Variants in ALG1L2 observed in about 807,000 individuals in gnomAD.
ALG1L2 encodes the protein putative glycosyltransferase ALG1L2.
Under a neutral mutation model 29.0 loss-of-function variants are expected in ALG1L2, and 32 were observed. The observed-to-expected ratio is 1.10, with a 90% CI of 0.83 to 1.48. The LOEUF (loss-of-function observed/expected upper bound fraction) is 1.48, where lower values mean the gene tolerates loss of function less well. Among genes scored for constraint, ALG1L2 ranks in the 40% most tolerant of loss-of-function variants. ALG1L2 has a pLI of 0.00. For missense variants in ALG1L2, 318 were observed against 274.1 expected, an observed-to-expected ratio of 1.16 and a Z score of -1.13; for synonymous variants, 110 against 109.5, an observed-to-expected ratio of 1.00 and a Z score of -0.03.
chr3:130,086,363 T>C (rs1267771947), intron 1 of ALG1L2, among the ~76,000 whole-genome samples: 2 of 146,930 alleles, frequency 1.4e-5, no homozygotes, highest in Admixed American at 6.9e-5. Context: ...GTGGAAGTCA[T>C]TAATCCCAAG....
chr3:130,096,610 G>T lies in ALG1L2; in HGVS notation c.539+447G>T, dbSNP rs371497865. ...TGGTGGGTTTGAATCAGTTAAATGA[G>T]TGTCATGCTGTGGCCTCACTCCACC... On this transcript the variant is annotated intron_variant, in intron 6 of 7. Transcript: ENST00000425059. Among the ~76,000 whole-genome samples, 168 of 152,230 alleles carry T rather than the reference G, an allele frequency of 1.1e-3. 1 individual carries two copies. Among genetic ancestry groups the T allele is most frequent in the East Asian group, 5.0e-3 (26 of 5,176 alleles).
intron 3 of ALG1L2, 58 bp downstream of exon 3, chr3:130,092,280 A>G (rs1935035202): frequency 1.9e-6 from 3 of 1,587,912 alleles, no homozygotes; most frequent in African/African-American, 2.7e-5. Flanking sequence ...GCCAACCTGT[A>G]TTCTCCTCAC....
intron 1 of ALG1L2, among the ~76,000 whole-genome samples, chr3:130,083,149 T>C (rs1270394162): frequency 2.1e-5 from 3 of 139,758 alleles, no homozygotes; most frequent in African/African-American, 7.5e-5. Flanking sequence ...AAAAGTGAAA[T>C]AAAAACAGCT....
chr3:130,097,580 C>G (rs1370787288), intron 7 of ALG1L2, among the ~76,000 whole-genome samples: 1 of 152,190 alleles, frequency 6.6e-6, no homozygotes, highest in Non-Finnish European at 1.5e-5. Context: ...CTTCTGGGAC[C>G]AGCCTTGAAA....
intron 1 of ALG1L2, chr3:130,089,550 T>A (rs1934964330): frequency 6.6e-6 from 1 of 152,306 alleles, no homozygotes; most frequent in Admixed American, 6.5e-5. Context: ...TTCATTAATG[T>A]TGAAATAATA....
At chr3:130,094,371 G>T (rs1392781671) in intron 4 of ALG1L2, 32 bp from the exon 5 acceptor site, 6 of 1,585,720 alleles carry the variant, frequency 3.8e-6, no homozygotes, top group Non-Finnish European at 5.1e-6. Context: ...ACAGAGACGG[G>T]TTCATGGCAG....
At chr3:130,089,794 A>AT (rs1295195231) in intron 1 of ALG1L2, among the ~76,000 whole-genome samples, 1 of 152,306 alleles carries the variant, frequency 6.6e-6, no homozygotes, top group Non-Finnish European at 1.5e-5. Flanking sequence ...TAATCTCAGC[A>AT]TTTTGGGAGG....
intron 1 of ALG1L2, among the ~76,000 whole-genome samples, chr3:130,087,815 A>G (rs181360325): frequency 1.4e-5 from 2 of 147,890 alleles, no homozygotes; most frequent in East Asian, 3.9e-4. Context: ...GACCTTGGCA[A>G]TGCAATAGGA....
At position 130,082,604 on chromosome 3, in the gene ALG1L2, C is replaced by T. The variant is rs543360407; in HGVS notation, c.20+568C>T. 7.4e-5 allele frequency among the ~76,000 whole-genome samples: 10 copies of T among 135,560 alleles called. 1 individual carries two copies. In the East Asian group the frequency reaches 1.8e-3, roughly 25 times the overall value. The allele number at this position is 135,560 out of a possible 152,430, so 88.9% of individuals were successfully genotyped here. A position where few individuals can be genotyped will look rare whatever the true frequency, so the allele number is the denominator to read the frequency against. ...CTGCCCACCTCAGCCTCCCAAAGTG[C>T]TGAGATTACAGGCATGAGCCCCTGC... On this transcript the variant is annotated intron_variant, in intron 1 of 7. Transcript: ENST00000425059.
chr3:130,093,182 G>T (rs759221078), intron 4 of ALG1L2, 22 bp downstream of exon 4: 1 of 1,609,378 alleles, frequency 6.2e-7, no homozygotes. Context: ...GACCCTGGGT[G>T]TCTGTTTGGT....
Position 130,084,645 on chromosome 3 carries a change from A to C in ALG1L2, c.20+2609A>C, listed in dbSNP as rs1440294723. Among the ~76,000 whole-genome samples, 4 of 131,362 alleles carry C rather than the reference A, an allele frequency of 3.0e-5. 1 individual carries two copies. The highest frequency in any genetic ancestry group is 1.0e-4 in the African/African-American group (4 of 39,062). The allele number at this position is 131,362 out of a possible 152,430, so 86.2% of individuals were successfully genotyped here. On this transcript the variant is annotated intron_variant, in intron 1 of 7. Transcript: ENST00000425059. ...TTAAATGCCTCAGTCTGCTATAAAA[A>C]GATACCACAAGCTGGATGGCTTAGA...
In ALG1L2 at chr3:130,088,568, C is replaced by G. The variant is rs1474376700; in HGVS notation, c.21-2693C>G. Among the ~76,000 whole-genome samples the G allele has an allele frequency of 5.2e-5, 8 of 152,394 alleles. No individual in the cohort carries two copies. In the East Asian group the frequency reaches 1.5e-3, roughly 29 times the overall value. ...AAGAATCTGGGACAACAGGCATGAG[C>G]CATTACGCCTGGCTAATTTTTGTAT... is the stretch of plus-strand genomic sequence containing the variant. On this transcript the variant is annotated intron_variant, in intron 1 of 7. Transcript: ENST00000425059.
chr3:130,091,185 C>G (rs1203420246), intron 1 of ALG1L2, 76 bp from the exon 2 acceptor site: 4 of 1,425,976 alleles, frequency 2.8e-6, no homozygotes, highest in Non-Finnish European at 3.9e-6. Flanking sequence ...GGGCATGGAA[C>G]CCAAATGAGT....
intron 5 of ALG1L2, 124 bp from the exon 6 acceptor site, chr3:130,095,925 T>G (rs925198825): frequency 1.0e-6 from 1 of 993,784 alleles, no homozygotes; most frequent in South Asian, 1.5e-5. Flanking sequence ...CACTTGTGGT[T>G]GGGGATGTCG....
intron 1 of ALG1L2, among the ~76,000 whole-genome samples, chr3:130,088,143 G>C (rs114385300): frequency 6.6e-6 from 1 of 151,438 alleles, no homozygotes; most frequent in Non-Finnish European, 1.5e-5. Context: ...GATGGGAGAC[G>C]TTGCGTCAGA....
intron 1 of ALG1L2, among the ~76,000 whole-genome samples, chr3:130,084,354 G>A (rs1252860815): frequency 1.3e-5 from 2 of 149,058 alleles, no homozygotes; most frequent in Non-Finnish European, 3.0e-5. Flanking sequence ...AGCAAAGAAG[G>A]CCTCATAAAG....
intron 1 of ALG1L2, among the ~76,000 whole-genome samples, chr3:130,083,656 A>ATT (rs1368222449): frequency 7.9e-6 from 1 of 126,316 alleles, no homozygotes; most frequent in East Asian, 2.1e-4. Flanking sequence ...TTAAAATGTT[A>ATT]ACTTTTTTTT....
chr3:130,092,756 C>G (rs1935044943), intron 3 of ALG1L2, among the ~76,000 whole-genome samples: 1 of 152,198 alleles, frequency 6.6e-6, no homozygotes, highest in Admixed American at 6.5e-5. Context: ...TCTGAATGGG[C>G]ATGGTGGCTC....
chr3:130,097,810 G>A (rs938436301), intron 7 of ALG1L2, among the ~76,000 whole-genome samples: 2 of 152,186 alleles, frequency 1.3e-5, no homozygotes, highest in African/African-American at 4.8e-5. Flanking sequence ...TTCCAATAAA[G>A]CTTTATTTAC....
Sources: gnomAD v4.1 joint callset for allele counts (sites outside exome capture counted in the v4.1 genomes callset) on GRCh38, gnomAD v4.1.1 for gene constraint, MANE v1.5 for transcripts, NCBI Gene and HGNC (gene_info 2026-07-23, HGNC 2026-07-21) for gene names.